RAB11FIP4: variants seen among roughly 807,000 people sequenced by gnomAD.
RAB11FIP4 encodes rab11 family-interacting protein 4.
A neutral mutation model predicts 74.3 loss-of-function variants in RAB11FIP4; 23 were observed. The ratio of observed to expected loss-of-function variants is 0.31; its 90% CI spans 0.22 to 0.44. The LOEUF is 0.44. Ranked by LOEUF, RAB11FIP4 falls within the 20% of genes least tolerant of loss-of-function variation. The pLI is 1.00. For missense variants in RAB11FIP4, 630 were observed against 863.9 expected, an observed-to-expected ratio of 0.73 and a Z score of 3.39; for synonymous variants, 360 against 359.9, an observed-to-expected ratio of 1.00 and a Z score of 0.00.
chr17:31,459,163 A>G (rs775430196), intron 3 of RAB11FIP4, among the ~76,000 whole-genome samples: 3 of 151,872 alleles, frequency 2.0e-5, no homozygotes, highest in African/African-American at 7.3e-5. Context: ...CCCCGTGTCA[A>G]TTCCCCAGTC....
At chr17:31,467,703 A>G (rs2071698895) in intron 3 of RAB11FIP4, among the ~76,000 whole-genome samples, 1 of 151,996 alleles carries the variant, frequency 6.6e-6, no homozygotes, top group African/African-American at 2.4e-5. Flanking sequence ...AAGCCTGTGG[A>G]GGGCCCAGGC....
chr17:31,467,452 A>G (rs178886), intron 3 of RAB11FIP4, among the ~76,000 whole-genome samples: 91,069 of 151,884 alleles, frequency 0.6, 28,194 homozygotes, highest in Non-Finnish European at 0.68. Flanking sequence ...AACAGAAAGC[A>G]GTCTCTTCTT....
At chr17:31,424,524 C>G (rs1217958700) in intron 1 of RAB11FIP4, among the ~76,000 whole-genome samples, 1 of 151,846 alleles carries the variant, frequency 6.6e-6, no homozygotes, top group Non-Finnish European at 1.5e-5. Flanking sequence ...ATTCTCCTGC[C>G]TCAGCCTCCC....
At chr17:31,407,040 A>AT (rs59919036) in intron 1 of RAB11FIP4, among the ~76,000 whole-genome samples, 5,961 of 50,888 alleles carry the variant, frequency 0.12, 1,585 homozygotes, top group Non-Finnish European at 0.17. Flanking sequence ...GTTTCACTTG[A>AT]TTTTTTTTTT....
chr17:31,446,174 A>C (rs542392062), intron 3 of RAB11FIP4, among the ~76,000 whole-genome samples: 58 of 152,242 alleles, frequency 3.8e-4, no homozygotes, highest in African/African-American at 1.3e-3. Flanking sequence ...AATTAAAAAT[A>C]AAATGGTGTG....
At chr17:31,437,105 G>T (rs1010436281) in intron 3 of RAB11FIP4, among the ~76,000 whole-genome samples, 5 of 152,122 alleles carry the variant, frequency 3.3e-5, no homozygotes, top group Admixed American at 2.0e-4. Context: ...CTCCATGGAG[G>T]TCTGGCCCCG....
rs142781789 is a variant in RAB11FIP4, at chr17:31,521,946, G to A, written c.790G>A (p.Val264Met). 2.2e-5 allele frequency: 36 copies of A among 1,614,086 alleles called. No homozygotes were observed. In the Admixed American group the frequency reaches 2.7e-4, roughly 12 times the overall value. The change falls in exon 6 of 15, where the codon GTG becomes ATG. Residue 264 changes from valine to methionine, a missense_variant. Transcript: ENST00000621161. ...GCAGACGCCTAGGAAAATGCGGCAC[G>A]TGTACAACAGCGAATTGCTAGATGT... is the stretch of plus-strand genomic sequence containing the variant. ...AGQTPRKMRHVYNSELLDVYC... is the reference protein window; with the variant it reads ...AGQTPRKMRHMYNSELLDVYC...
chr17:31,424,343 A>G (rs1425284363), intron 1 of RAB11FIP4, among the ~76,000 whole-genome samples: 1 of 152,096 alleles, frequency 6.6e-6, no homozygotes, highest in Non-Finnish European at 1.5e-5. Context: ...GCTTGGCTTT[A>G]AATATTGGCA....
chr17:31,522,503 A>G (rs1597980843), intron 7 of RAB11FIP4, 108 bp downstream of exon 7: 1 of 1,121,184 alleles, frequency 8.9e-7, no homozygotes, highest in Non-Finnish European at 1.3e-6. Context: ...CATGTGGCTG[A>G]GTGAGCAGAG....
rs966039603 is a variant in RAB11FIP4 at position 31,397,484 on chromosome 17, C to A, written c.159+5473C>A. On this transcript the variant is annotated intron_variant, in intron 1 of 14. Transcript: ENST00000621161. ...TTGAGACCAGGCAACCTCTATGTGCCCCACCCTAATGAGGCTACCATGCAG... is the reference window on the plus strand; with the variant it reads ...TTGAGACCAGGCAACCTCTATGTGCACCACCCTAATGAGGCTACCATGCAG... 7.9e-5 allele frequency among the ~76,000 whole-genome samples: 12 copies of A among 152,274 alleles called. No individual in the cohort carries two copies. The East Asian group carries it at 2.3e-3, about 29-fold the overall frequency.
intron 3 of RAB11FIP4, among the ~76,000 whole-genome samples, chr17:31,467,664 G>A: frequency 6.6e-6 from 1 of 152,094 alleles, no homozygotes; most frequent in East Asian, 1.9e-4. Flanking sequence ...TCTCTGCTCT[G>A]AGGACTGAGG....
intron 3 of RAB11FIP4, among the ~76,000 whole-genome samples, chr17:31,472,167 A>G (rs1348540579): frequency 6.6e-6 from 1 of 151,894 alleles, no homozygotes; most frequent in African/African-American, 2.4e-5. Context: ...TGTCTCAAAA[A>G]AAAAAAAAAA....
intron 3 of RAB11FIP4, among the ~76,000 whole-genome samples, chr17:31,463,606 C>T (rs1736143209): frequency 6.6e-6 from 1 of 152,084 alleles, no homozygotes. Context: ...CAGGCTCAAG[C>T]GAATCTCCTG....
rs1286203532 is a variant in RAB11FIP4 at position 31,512,231 on chromosome 17, A to G, written c.337-5420A>G. On this transcript the variant is annotated intron_variant, in intron 3 of 14. Transcript: ENST00000621161. This position sits in a 1 kb window ranked among gnomAD's most constrained non-coding sequence, Gnocchi z 4.1. ...GGCCAGGTCAGAATTTACGGCTCCT[A>G]CCGTGACCGACTCTCCGGTGTAAAT... Among the ~76,000 whole-genome samples the G allele has an allele frequency of 6.6e-6, 1 of 151,994 alleles. No individual in the cohort carries two copies. Among genetic ancestry groups the G allele is most frequent in the East Asian group, 1.9e-4 (1 of 5,182 alleles).
At chr17:31,403,006 G>A (rs917920469) in intron 1 of RAB11FIP4, among the ~76,000 whole-genome samples, 7 of 152,070 alleles carry the variant, frequency 4.6e-5, no homozygotes, top group African/African-American at 1.5e-4. Context: ...CCCTATTTGT[G>A]GCACTGTTGT....
rs940451323 is a variant in RAB11FIP4 at position 31,486,190 on chromosome 17, C to T, written c.337-31461C>T. Among the ~76,000 whole-genome samples, 11 of 151,956 alleles carry T rather than the reference C, an allele frequency of 7.2e-5. No individual in the cohort carries two copies. The East Asian group carries it at 7.8e-4, about 11-fold the overall frequency. The stretch of plus-strand genomic sequence containing the variant: ...CGGAGGTTGCAGTGAGCCAAGCTCA[C>T]GCCACTGCACTCCAGCCTGGGCAAC... On this transcript the variant is annotated intron_variant, in intron 3 of 14. Transcript: ENST00000621161.
At chr17:31,500,714 A>G (rs1253314168) in intron 3 of RAB11FIP4, among the ~76,000 whole-genome samples, 2 of 152,200 alleles carry the variant, frequency 1.3e-5, no homozygotes, top group East Asian at 1.9e-4. Flanking sequence ...TACTTATACT[A>G]CTGAGAGAAT....
chr17:31,505,715 ATAT>A (rs2072336093), intron 3 of RAB11FIP4, among the ~76,000 whole-genome samples: 1 of 122,804 alleles, frequency 8.1e-6, no homozygotes, highest in African/African-American at 3.1e-5. Flanking sequence ...TATATTAATA[ATAT>A]TATTATTACT....
At chr17:31,430,034 G>A (rs2151627097) in intron 1 of RAB11FIP4, among the ~76,000 whole-genome samples, 1 of 152,304 alleles carries the variant, frequency 6.6e-6, no homozygotes, top group East Asian at 1.9e-4. Context: ...GATGCTACAA[G>A]ACAGGATAGC....
Sources: allele counts gnomAD v4.1 joint callset (sites outside exome capture counted in the v4.1 genomes callset), GRCh38; gene constraint gnomAD v4.1.1; non-coding constraint Gnocchi (gnomAD v3.1); transcripts MANE v1.5; gene names NCBI Gene and HGNC (gene_info 2026-07-23, HGNC 2026-07-21).